Variants in FAM83G observed in about 807,000 individuals in gnomAD.
FAM83G encodes protein FAM83G.
In FAM83G, 38 loss-of-function variants were observed where a neutral mutation model predicts 61.5. The observed-to-expected ratio is 0.62, with a 90% CI of 0.48 to 0.81. The LOEUF (loss-of-function observed/expected upper bound fraction) is 0.81, where lower values mean the gene tolerates loss of function less well. Ranked by LOEUF, FAM83G falls within the 30% of genes least tolerant of loss-of-function variation. The pLI, the probability that FAM83G is intolerant of heterozygous loss-of-function variation, is 0.00. For missense variants in FAM83G, 989 were observed against 1,133.6 expected (o/e 0.87, Z 1.83); for synonymous variants, 470 against 476.1 (o/e 0.99, Z 0.17).
chr17:18,998,613 G>A (rs975422794), intron 2 of FAM83G, among the ~76,000 whole-genome samples: 4 of 152,228 alleles, frequency 2.6e-5, no homozygotes, highest in African/African-American at 9.6e-5. Flanking sequence ...GTGCCCAGAC[G>A]GGCAGGCACT....
chr17:18,973,226 G>T (rs866156031), intron 5 of FAM83G, among the ~76,000 whole-genome samples: 5 of 152,378 alleles, frequency 3.3e-5, no homozygotes, highest in South Asian at 2.1e-4. Context: ...CATGGGCTTG[G>T]CATGGCACGG....
intron 2 of FAM83G, among the ~76,000 whole-genome samples, chr17:19,001,618 T>C (rs2043731458): frequency 6.6e-6 from 1 of 152,196 alleles, no homozygotes; most frequent in Non-Finnish European, 1.5e-5. Flanking sequence ...AGGAAGGCAA[T>C]GTCACCTTAG....
At chr17:18,985,381 C>T in intron 3 of FAM83G, among the ~76,000 whole-genome samples, 1 of 152,208 alleles carries the variant, frequency 6.6e-6, no homozygotes, top group East Asian at 1.9e-4. Context: ...GTATCACCCC[C>T]AAACTGGCAC....
chr17:18,990,748 G>A (rs894380634), intron 2 of FAM83G, among the ~76,000 whole-genome samples: 7 of 152,244 alleles, frequency 4.6e-5, no homozygotes, highest in Non-Finnish European at 1.5e-5. Flanking sequence ...GGTCAGAGAT[G>A]GGTTTGTAAC....
rs1483058027 is a variant in FAM83G at position 19,003,217 on chromosome 17, A to ACT, written c.522+301_522+302dup. ...AAGCCCTGGGGTTCCTCCCCTCCCC[A>ACT]CTCCACCCTATCTCGGTGCCTTCTT... On this transcript the variant is annotated intron_variant, in intron 2 of 5. Coordinates refer to ENST00000388995, the MANE Select transcript of FAM83G (RefSeq NM_001039999.3). This position sits in a 1 kb window ranked among gnomAD's most constrained non-coding sequence, Gnocchi z 4.5. 4.2e-5 allele frequency among the ~76,000 whole-genome samples: 6 copies of ACT among 142,844 alleles called. No homozygotes were observed. Among genetic ancestry groups the ACT allele is most frequent in the Admixed American group, 1.4e-4 (2 of 14,182 alleles). The allele number at this position is 142,844 out of a possible 152,430, so 93.7% of individuals were successfully genotyped here.
rs191478464 is a variant in FAM83G, at chr17:18,989,457, G to A, written c.523-1043C>T. On this transcript the variant is annotated intron_variant, in intron 2 of 5. Transcript: ENST00000388995. ...TCCTCCTGGGCCTCAGGCCCCCATC[G>A]TTCACCTGGCACCAAAGCCCAAACT... 4.2e-3 allele frequency among the ~76,000 whole-genome samples: 633 copies of A among 152,294 alleles called. 5 individuals carry two copies. The highest frequency in any genetic ancestry group is 0.014 in the African/African-American group (580 of 41,556).
Position 18,971,337 on chromosome 17 carries a change from G to A in FAM83G, c.*22C>T, listed in dbSNP as rs2042840358. Reference sequence around the variant, plus strand: ...TCTGGGCTGGGGCCTCAGAAGGTGTGGCTCCAGGCTGGGACATGCTGCTAG... The same window carrying A: ...TCTGGGCTGGGGCCTCAGAAGGTGTAGCTCCAGGCTGGGACATGCTGCTAG... On this transcript the variant is annotated 3_prime_UTR_variant, in exon 6 of 6. Transcript: ENST00000388995. This position sits in a 1 kb window ranked among gnomAD's most constrained non-coding sequence, Gnocchi z 5.5. 6.2e-7 allele frequency: 1 copy of A among 1,605,644 alleles called. No individual in the cohort carries two copies. Among genetic ancestry groups the A allele is most frequent in the Admixed American group, 1.7e-5 (1 of 59,462 alleles).
chr17:18,998,746 C>T (rs1022600981), intron 2 of FAM83G, among the ~76,000 whole-genome samples: 7 of 152,226 alleles, frequency 4.6e-5, no homozygotes, highest in South Asian at 2.1e-4. Flanking sequence ...CAGATGGTTC[C>T]CCACCCACTC....
intron 2 of FAM83G, among the ~76,000 whole-genome samples, chr17:18,992,218 CCTGCCTT>C (rs1456735204): frequency 1.3e-5 from 2 of 152,302 alleles, no homozygotes; most frequent in African/African-American, 4.8e-5. Flanking sequence ...CCTTCTCCAC[CCTGCCTT>C]CTGCCTGTGT....
At chr17:18,991,399 T>C (rs1408702149) in intron 2 of FAM83G, among the ~76,000 whole-genome samples, 1 of 152,168 alleles carries the variant, frequency 6.6e-6, no homozygotes. Flanking sequence ...TCTATCCAGT[T>C]CACACATTGT....
chr17:18,987,256 T>C (rs2043293363), intron 3 of FAM83G, among the ~76,000 whole-genome samples: 2 of 152,166 alleles, frequency 1.3e-5, no homozygotes, highest in African/African-American at 4.8e-5. Context: ...CCACTATCTT[T>C]AACTTGCTAG....
Position 19,003,410 on chromosome 17 carries a change from T to TC in FAM83G, c.522+109dup, listed in dbSNP as rs1304353756. 69 of 1,180,572 alleles carry TC rather than the reference T, an allele frequency of 5.8e-5. No homozygotes were observed. The highest frequency in any genetic ancestry group is 7.6e-5 in the Non-Finnish European group (68 of 891,866). 73.1% of individuals were successfully genotyped at this position (1,180,572 alleles called of 1,614,324 possible). ...AGGCAGCCAGGGAAAACAGCAGAGA[T>TC]CCCTAGAAGCCCATGTTGGGCTCCC... On this transcript the variant is annotated intron_variant, in intron 2 of 5. Coordinates refer to ENST00000388995, the MANE Select transcript of FAM83G (RefSeq NM_001039999.3). The surrounding 1 kb of genome is among the most constrained non-coding windows in gnomAD (Gnocchi z 4.5).
In FAM83G at chr17:18,977,945, T is replaced by C. The variant is rs758156745; in HGVS notation, c.1721A>G (p.Asn574Ser). 107 of 1,605,184 alleles carry C rather than the reference T, an allele frequency of 6.7e-5. No homozygotes were observed. The highest frequency in any genetic ancestry group is 5.1e-4 in the East Asian group (23 of 44,680). Residue 574 changes from asparagine to serine, a missense_variant, in exon 5 of 6, where the codon AAT becomes AGT. Physicochemically the swap from Asn to Ser is conservative, Grantham distance 46. Coordinates refer to ENST00000388995, the MANE Select transcript of FAM83G (RefSeq NM_001039999.3). ...TTCTTCTTCCACCCCATCCAGCCCA[T>C]TGGGGAGCCCCACCCCGAGGCTCTC... Reference protein sequence around the residue: ...DPESLGVGLPNGLDGVEEEDD... With the variant: ...DPESLGVGLPSGLDGVEEEDD...
intron 3 of FAM83G, among the ~76,000 whole-genome samples, chr17:18,983,023 G>A (rs1474393351): frequency 2.0e-5 from 3 of 152,250 alleles, no homozygotes; most frequent in Non-Finnish European, 4.4e-5. Flanking sequence ...TGGAAGTGGC[G>A]CAGTGGGCTG....
In FAM83G at chr17:19,003,802, G is replaced by C. The variant is rs1163880560; in HGVS notation, c.240C>G (p.Asp80Glu). Residue 80 changes from aspartate (D) to glutamate (E), a missense_variant, in exon 2 of 6, where the codon GAC becomes GAG. Coordinates refer to ENST00000388995, the MANE Select transcript of FAM83G (RefSeq NM_001039999.3). This position sits in a 1 kb window ranked among gnomAD's most constrained non-coding sequence, Gnocchi z 4.5. ...CCTGAGAGGGGCCCGTGCCCCGAGG[G>C]TCCTCAGAGCCCGGGTCGTACACCT... ...TIEVYDPGSE[D>E]PRGTGPSQGP... 6.2e-7 allele frequency: 1 copy of C among 1,612,622 alleles called. No homozygotes were observed. Among genetic ancestry groups the C allele is most frequent in the Non-Finnish European group, 8.5e-7 (1 of 1,179,780 alleles).
chr17:18,987,223 A>G (rs544872074), intron 3 of FAM83G, among the ~76,000 whole-genome samples: 1 of 152,334 alleles, frequency 6.6e-6, no homozygotes, highest in East Asian at 1.9e-4. Flanking sequence ...GCTGAGCCCA[A>G]GGGTCTGGAG....
chr17:18,997,729 C>A (rs2043602981), intron 2 of FAM83G, among the ~76,000 whole-genome samples: 1 of 152,164 alleles, frequency 6.6e-6, no homozygotes, highest in East Asian at 1.9e-4. Context: ...TGAACTTCTC[C>A]CAGGACAGGG....
rs1337152079 is a variant in FAM83G at position 18,977,818 on chromosome 17, T to C, written c.1848A>G (p.Ser616=). 11 of 1,608,528 alleles carry C rather than the reference T, an allele frequency of 6.8e-6. No homozygotes were observed. In the South Asian group the frequency reaches 1.1e-4, roughly 16 times the overall value. The change falls in exon 5 of 6, where the codon TCA becomes TCG. Residue 616 remains serine (S), a synonymous_variant. Transcript: ENST00000388995. ...GCTCTCTCACCTCGAAGTACTCCTC[T>C]GACACAGAGGAAGCCACTGAGGGCC... ...PRRPSVASSV[S]EEYFEVREHS... is the part of the protein sequence containing the mutation.
At chr17:18,977,418 T>C (rs1157968000) in intron 5 of FAM83G, 166 bp downstream of exon 5, 2 of 700,190 alleles carry the variant, frequency 2.9e-6, no homozygotes, top group Non-Finnish European at 4.7e-6. Context: ...CATATGGCCC[T>C]GGCCGGTTCC....
Sources: gnomAD v4.1 joint callset for allele counts (sites outside exome capture counted in the v4.1 genomes callset) on GRCh38, gnomAD v4.1.1 for gene constraint, Gnocchi (gnomAD v3.1) non-coding constraint, MANE v1.5 for transcripts, NCBI Gene and HGNC (gene_info 2026-07-23, HGNC 2026-07-21) for gene names.